Variants in CSMD1 observed in about 807,000 individuals in gnomAD.
The protein encoded by CSMD1 is CUB and sushi domain-containing protein 1.
CSMD1 carries 213 observed loss-of-function variants against 417.5 expected under a neutral mutation model. The ratio of observed to expected loss-of-function variants is 0.51; its 90% CI spans 0.46 to 0.57. CSMD1 has a LOEUF of 0.57. CSMD1 is among the 20% of genes least tolerant of loss of function. The probability of loss-of-function intolerance (pLI) is 0.00; values close to 1 mark genes in which losing one functional copy is unlikely to be tolerated. For missense variants in CSMD1, 6,923 were observed against 4,529.7 expected, an observed-to-expected ratio of 1.53 and a Z score of -15.17; for synonymous variants, 2,862 against 1,736.8, an observed-to-expected ratio of 1.65 and a Z score of -16.11.
At chr8:2,963,017 C>T (rs1031766468) in intron 60 of CSMD1, among the ~76,000 whole-genome samples, 2 of 152,184 alleles carry the variant, frequency 1.3e-5, no homozygotes, top group Non-Finnish European at 2.9e-5. Flanking sequence ...CACTGCACTC[C>T]ATCCTGGGCA....
intron 1 of CSMD1, among the ~76,000 whole-genome samples, chr8:4,819,014 T>C (rs1462869578): frequency 1.3e-5 from 2 of 152,150 alleles, no homozygotes; most frequent in African/African-American, 2.4e-5. Flanking sequence ...CTATGTTTCA[T>C]GGCTGGTGAG....
intron 7 of CSMD1, among the ~76,000 whole-genome samples, chr8:3,700,197 C>T (rs992719756): frequency 2.6e-5 from 4 of 152,150 alleles, no homozygotes; most frequent in Non-Finnish European, 5.9e-5. Context: ...TCTCACAAAT[C>T]ACCACTGAAG....
At chr8:4,747,131 G>C (rs1041640428) in intron 1 of CSMD1, among the ~76,000 whole-genome samples, 8 of 152,158 alleles carry the variant, frequency 5.3e-5, no homozygotes, top group African/African-American at 9.7e-5. Context: ...GCTCCTAAGA[G>C]GTTGAAGAGA....
intron 2 of CSMD1, among the ~76,000 whole-genome samples, chr8:4,594,928 C>G (rs1254719536): frequency 6.6e-6 from 1 of 152,084 alleles, no homozygotes; most frequent in Admixed American, 6.5e-5. Context: ...AATATTGAGA[C>G]TACATATTAT....
rs186231376 is a variant in CSMD1 at position 4,046,893 on chromosome 8, A to T, written c.416-14794T>A. 3.9e-5 allele frequency among the ~76,000 whole-genome samples: 6 copies of T among 152,256 alleles called. No individual in the cohort carries two copies. In the East Asian group the frequency reaches 1.2e-3, roughly 29 times the overall value. The stretch of plus-strand genomic sequence containing the variant: ...CCACAGAGAATGTGACAATGAGGCC[A>T]TCTAAAAATGGGCAGAGAGAGGCTT... On this transcript the variant is annotated intron_variant, in intron 3 of 69. Transcript: ENST00000635120.
intron 1 of CSMD1, among the ~76,000 whole-genome samples, chr8:4,839,954 G>T (rs1476835861): frequency 2.0e-5 from 3 of 152,164 alleles, no homozygotes; most frequent in Non-Finnish European, 4.4e-5. Context: ...GAGACCAAAA[G>T]TCTTCAGTGT....
chr8:4,309,098 G>T (rs1041602992), intron 3 of CSMD1, among the ~76,000 whole-genome samples: 2 of 152,048 alleles, frequency 1.3e-5, no homozygotes, highest in African/African-American at 4.8e-5. Context: ...GTAGTCACTT[G>T]TTCTATCTAG....
intron 5 of CSMD1, among the ~76,000 whole-genome samples, chr8:3,854,655 A>G (rs1027219997): frequency 6.6e-6 from 1 of 151,878 alleles, no homozygotes; most frequent in Non-Finnish European, 1.5e-5. Context: ...AATCTGGACA[A>G]TGTGGAAGAG....
chr8:3,892,724 T>TG (rs1329385197), intron 5 of CSMD1, among the ~76,000 whole-genome samples: 2 of 149,828 alleles, frequency 1.3e-5, no homozygotes, highest in Non-Finnish European at 3.0e-5. Flanking sequence ...GGTTTTTTTT[T>TG]TTTTTTTTTT....
chr8:4,832,358 G>A (rs906973583), intron 1 of CSMD1, among the ~76,000 whole-genome samples: 2 of 152,186 alleles, frequency 1.3e-5, no homozygotes, highest in Non-Finnish European at 2.9e-5. Flanking sequence ...GTATGCTACA[G>A]TGGCAATGAA....
At chr8:3,463,114 C>G (rs548287382) in intron 12 of CSMD1, among the ~76,000 whole-genome samples, 1 of 152,310 alleles carries the variant, frequency 6.6e-6, no homozygotes, top group African/African-American at 2.4e-5. Context: ...ATTCCATTGT[C>G]GCCAAGCCAA....
chr8:3,712,067 G>C (rs1345485991), intron 6 of CSMD1, among the ~76,000 whole-genome samples: 1 of 152,168 alleles, frequency 6.6e-6, no homozygotes, highest in Non-Finnish European at 1.5e-5. Context: ...GTCTCCACTA[G>C]GGAATATATG....
At chr8:4,321,115 AAATC>A (rs1260248630) in intron 3 of CSMD1, among the ~76,000 whole-genome samples, 1 of 152,166 alleles carries the variant, frequency 6.6e-6, no homozygotes, top group Non-Finnish European at 1.5e-5. Context: ...ACTCTAGTCT[AAATC>A]AATCAAAGGC....
intron 10 of CSMD1, among the ~76,000 whole-genome samples, chr8:3,525,637 C>G (rs1179846294): frequency 6.6e-6 from 1 of 152,166 alleles, no homozygotes; most frequent in African/African-American, 2.4e-5. Context: ...GCCTGACATT[C>G]TATCAATCTC....
At chr8:4,553,378 G>A (rs915014461) in intron 2 of CSMD1, among the ~76,000 whole-genome samples, 1 of 150,806 alleles carries the variant, frequency 6.6e-6, no homozygotes, top group Non-Finnish European at 1.5e-5. Context: ...ACATTTATAA[G>A]GCTTCATTTT....
At chr8:4,780,909 T>C (rs988516405) in intron 1 of CSMD1, among the ~76,000 whole-genome samples, 2 of 152,206 alleles carry the variant, frequency 1.3e-5, no homozygotes, top group African/African-American at 2.4e-5. Flanking sequence ...TCATTCCTTA[T>C]TGTAATTATT....
At chr8:3,237,782 C>CTTATACTATAAATATAAATTTTATAT (rs1799246303) in intron 26 of CSMD1, among the ~76,000 whole-genome samples, 1 of 111,082 alleles carries the variant, frequency 9.0e-6, no homozygotes, top group African/African-American at 3.4e-5. Context: ...TATAATTATA[C>CTTATACTATAAATATAAATTTTATAT]TTATACTACA....
chr8:4,605,749 T>C (rs1800833642), intron 2 of CSMD1, among the ~76,000 whole-genome samples: 1 of 152,202 alleles, frequency 6.6e-6, no homozygotes. Context: ...CTTGTAAATC[T>C]GGGAATCAAT....
At chr8:3,652,583 G>A (rs1344663741) in intron 7 of CSMD1, among the ~76,000 whole-genome samples, 1 of 152,208 alleles carries the variant, frequency 6.6e-6, no homozygotes, top group Non-Finnish European at 1.5e-5. Flanking sequence ...GCAAAGGCAT[G>A]TCGTACACGG....
Sources: allele counts gnomAD v4.1 joint callset (sites outside exome capture counted in the v4.1 genomes callset), GRCh38; gene constraint gnomAD v4.1.1; transcripts MANE v1.5; gene names NCBI Gene and HGNC (gene_info 2026-07-23, HGNC 2026-07-21).